The following SYT9 variants were observed in gnomAD, a reference collection of about 807,000 sequenced individuals.
The protein encoded by SYT9 is synaptotagmin-9.
In SYT9, 22 loss-of-function variants were observed where a neutral mutation model predicts 48.4. That is an observed-to-expected ratio of 0.45 (90% CI 0.32 to 0.65). The LOEUF is 0.65. SYT9 is among the 30% of genes least tolerant of loss of function. SYT9 has a pLI of 0.03. For missense variants in SYT9, 577 were observed against 622.0 expected (o/e 0.93, Z 0.77); for synonymous variants, 265 against 245.0 (o/e 1.08, Z -0.76).
At chr11:7,391,166 C>T (rs1208688742) in intron 3 of SYT9, among the ~76,000 whole-genome samples, 2 of 152,150 alleles carry the variant, frequency 1.3e-5, no homozygotes, top group Non-Finnish European at 2.9e-5. Context: ...TTGTTCTATT[C>T]CATGATGTAT....
chr11:7,354,673 T>C (rs576646080), intron 3 of SYT9, among the ~76,000 whole-genome samples: 1 of 152,284 alleles, frequency 6.6e-6, no homozygotes, highest in East Asian at 1.9e-4. Flanking sequence ...CTCTGTTCTT[T>C]CTACAGCATA....
chr11:7,351,049 A>G (rs16925201), intron 3 of SYT9, among the ~76,000 whole-genome samples: 2,404 of 152,284 alleles, frequency 0.016, 64 homozygotes, highest in African/African-American at 0.054. Flanking sequence ...AGTCAAGATC[A>G]AAGCGGCCAG....
intron 3 of SYT9, among the ~76,000 whole-genome samples, chr11:7,316,932 T>G (rs1849253428): frequency 6.6e-6 from 1 of 152,272 alleles, no homozygotes; most frequent in South Asian, 2.1e-4. Flanking sequence ...TGAAAATTCT[T>G]GTTCAGCACT....
intron 3 of SYT9, among the ~76,000 whole-genome samples, chr11:7,344,675 A>T (rs186297801): frequency 6.4e-4 from 97 of 152,280 alleles, no homozygotes; most frequent in African/African-American, 1.7e-3. Flanking sequence ...TCTATATTTT[A>T]TCCACACAAT....
At chr11:7,422,152 G>T (rs1362446104) in intron 6 of SYT9, among the ~76,000 whole-genome samples, 1 of 152,210 alleles carries the variant, frequency 6.6e-6, no homozygotes, top group African/African-American at 2.4e-5. Context: ...ATAGTCAGGT[G>T]AGTCTGGTTG....
chr11:7,300,088 G>A (rs781251274), intron 1 of SYT9, among the ~76,000 whole-genome samples: 2 of 151,454 alleles, frequency 1.3e-5, no homozygotes, highest in Non-Finnish European at 2.9e-5. Flanking sequence ...CCTAGCTTTG[G>A]ACAGTAAATT....
chr11:7,449,525 T>G (rs1848004526), intron 6 of SYT9, among the ~76,000 whole-genome samples: 4 of 151,646 alleles, frequency 2.6e-5, no homozygotes, highest in Non-Finnish European at 5.9e-5. Context: ...GGATTAAGGA[T>G]GTAGGGGAGG....
At chr11:7,338,419 A>G (rs930594992) in intron 3 of SYT9, among the ~76,000 whole-genome samples, 1 of 151,880 alleles carries the variant, frequency 6.6e-6, no homozygotes, top group Non-Finnish European at 1.5e-5. Flanking sequence ...TTGCTTCTAT[A>G]GTTCTTTTAG....
chr11:7,323,332 C>T (rs548220488), intron 3 of SYT9, among the ~76,000 whole-genome samples: 5 of 152,180 alleles, frequency 3.3e-5, no homozygotes, highest in Admixed American at 2.0e-4. Flanking sequence ...TTGCTATACA[C>T]TATAATTCTA....
In SYT9 at chr11:7,295,650, A is replaced by G. The variant is rs533268863; in HGVS notation, c.146-7389A>G. 2.0e-5 allele frequency among the ~76,000 whole-genome samples: 3 copies of G among 152,332 alleles called. No homozygotes were observed. The South Asian group carries it at 6.2e-4, about 32-fold the overall frequency. The stretch of plus-strand genomic sequence containing the variant: ...AATTCTTCCAGTTTCTACCCATTAC[A>G]TAATTTCAAAACTGCTTTCATATTT... On this transcript the variant is annotated intron_variant, in intron 1 of 6. Coordinates refer to ENST00000318881, the MANE Select transcript of SYT9 (RefSeq NM_175733.4).
In SYT9 at chr11:7,429,444, A is replaced by G. The variant is rs1847525184; in HGVS notation, c.1467+8809A>G. Among the ~76,000 whole-genome samples, 4 of 152,352 alleles carry G rather than the reference A, an allele frequency of 2.6e-5. No homozygotes were observed. The South Asian group carries it at 8.3e-4, about 32-fold the overall frequency. ...AGGGAGAAACCAAGCCCATAGATAC[A>G]AAGAAACCAGATTCTCAGTCATGTG... On this transcript the variant is annotated intron_variant, in intron 6 of 6. Transcript: ENST00000318881.
intron 1 of SYT9, among the ~76,000 whole-genome samples, chr11:7,244,433 A>G (rs1025087963): frequency 1.3e-5 from 2 of 152,254 alleles, no homozygotes; most frequent in Non-Finnish European, 2.9e-5. Flanking sequence ...ACAGGAAAGA[A>G]TAAAGCTCAC....
At position 7,303,187 on chromosome 11, in the gene SYT9, C is replaced by T. The variant is rs2133937456; in HGVS notation, c.294C>T (p.Pro98=). ...PSGSKDNNQE[P]LNYMDTETNE... ...GTAGCAAAGACAACAACCAGGAGCC[C>T]CTTAACTACATGGACACAGAGACCA... Residue 98 remains proline (P), a synonymous_variant, in exon 2 of 7, where the codon CCC becomes CCT. Transcript: ENST00000318881. The T allele has an allele frequency of 2.5e-6, 4 of 1,614,126 alleles. No homozygotes were observed. The highest frequency in any genetic ancestry group is 3.4e-6 in the Non-Finnish European group (4 of 1,180,022).
chr11:7,334,528 A>G (rs1423720859), intron 3 of SYT9, among the ~76,000 whole-genome samples: 2 of 152,186 alleles, frequency 1.3e-5, no homozygotes, highest in South Asian at 4.2e-4. Context: ...AGTATTTGAC[A>G]TATATATACA....
chr11:7,383,940 T>A (rs1251367654), intron 3 of SYT9, among the ~76,000 whole-genome samples: 1 of 152,152 alleles, frequency 6.6e-6, no homozygotes, highest in Non-Finnish European at 1.5e-5. Context: ...TCAGCTACTT[T>A]GTTTCTTTTT....
chr11:7,264,120 C>T (rs1188337129), intron 1 of SYT9, among the ~76,000 whole-genome samples: 1 of 151,868 alleles, frequency 6.6e-6, no homozygotes, highest in Non-Finnish European at 1.5e-5. Context: ...CAGAAGTTTG[C>T]CTTCTGATTG....
upstream of SYT9, among the ~76,000 whole-genome samples, chr11:7,247,820 T>G (rs562700377): frequency 4.1e-4 from 62 of 152,090 alleles, no homozygotes; most frequent in Middle Eastern, 6.8e-3. Flanking sequence ...TATAATGACC[T>G]CTTTTGCTCT....
chr11:7,452,884 AT>A (rs746043924), intron 6 of SYT9, among the ~76,000 whole-genome samples: 3 of 151,940 alleles, frequency 2.0e-5, no homozygotes, highest in Non-Finnish European at 4.4e-5. Flanking sequence ...CTGGGTTCAA[AT>A]GATTCTCCTG....
intron 1 of SYT9, among the ~76,000 whole-genome samples, chr11:7,242,865 G>A (rs1451376838): frequency 6.6e-6 from 1 of 151,244 alleles, no homozygotes. Flanking sequence ...GACCAACATG[G>A]TGAAACCCTG....
Sources: allele counts gnomAD v4.1 joint callset (sites outside exome capture counted in the v4.1 genomes callset), GRCh38; gene constraint gnomAD v4.1.1; transcripts MANE v1.5; gene names NCBI Gene and HGNC (gene_info 2026-07-23, HGNC 2026-07-21).